Variants in POMT1 observed in about 807,000 individuals in gnomAD.
POMT1 encodes protein O-mannosyl-transferase 1.
In POMT1, 85 loss-of-function variants were observed where a neutral mutation model predicts 101.6. The observed-to-expected ratio is 0.84, with a 90% CI of 0.70 to 1.00. The LOEUF (loss-of-function observed/expected upper bound fraction) is 1.00, where lower values mean the gene tolerates loss of function less well. Among genes scored for constraint, POMT1 ranks in the 50% least tolerant of loss-of-function variants. POMT1 has a pLI of 0.00. For synonymous variants in POMT1, 371 were observed against 383.0 expected (o/e 0.97, Z 0.37); for missense variants, 857 against 930.4 (o/e 0.92, Z 1.03).
chr9:131,506,093 G>A (rs1564331595), intron 2 of POMT1, 21 bp from the exon 3 acceptor site: 2 of 1,609,718 alleles, frequency 1.2e-6, no homozygotes, highest in Non-Finnish European at 1.7e-6. Flanking sequence ...ATATAATATG[G>A]GTTGTTGTTT....
chr9:131,516,372 T>TCACACGGAGCACCTC (rs1564370414), intron 13 of POMT1, among the ~76,000 whole-genome samples: 1 of 147,458 alleles, frequency 6.8e-6, no homozygotes, highest in Non-Finnish European at 1.5e-5. Flanking sequence ...GAGCACTTCC[T>TCACACGGAGCACCTC]CTAACAGAAC....
In POMT1 at chr9:131,523,403, AC is replaced by A; in HGVS notation, c.*300del. On this transcript the variant is annotated 3_prime_UTR_variant, in exon 20 of 20. Transcript: ENST00000402686. The stretch of plus-strand genomic sequence containing the variant: ...AGTCATTGACAACAAAAAGCCGAGA[AC>A]CCAGGGCCAGCAGTGGAGCCTCAGC... 1 of 403,702 alleles carries A rather than the reference AC, an allele frequency of 2.5e-6. No individual in the cohort carries two copies. The highest frequency in any genetic ancestry group is 4.7e-6 in the Non-Finnish European group (1 of 213,206). 25.0% of individuals were successfully genotyped at this position (403,702 alleles called of 1,614,324 possible).
At chr9:131,520,249 T>A in intron 17 of POMT1, 56 bp downstream of exon 17, 2 of 1,411,432 alleles carry the variant, frequency 1.4e-6, no homozygotes, top group Admixed American at 3.4e-5. Flanking sequence ...TTCTTGAGAA[T>A]TCCTTGCATT....
chr9:131,503,057 G>A lies in POMT1; in HGVS notation c.-47G>A, dbSNP rs1323657479. ...CGGGAGCCGGGCGCGGCTCTGTGTG[G>A]ACTCGGAGAAACGCGGGTACATTTG... On this transcript the variant is annotated 5_prime_UTR_variant, in exon 1 of 20. Coordinates refer to ENST00000402686, the MANE Select transcript of POMT1 (RefSeq NM_001077365.2). This position sits in a 1 kb window ranked among gnomAD's most constrained non-coding sequence, Gnocchi z 4.4. 1 of 152,310 alleles carries A rather than the reference G, an allele frequency of 6.6e-6. No individual in the cohort carries two copies. The highest frequency in any genetic ancestry group is 2.4e-5 in the African/African-American group (1 of 41,472). The allele number at this position is 152,310 out of a possible 1,614,324, so 9.4% of individuals were successfully genotyped here.
chr9:131,504,650 G>T (rs1044566896), intron 2 of POMT1, among the ~76,000 whole-genome samples: 4 of 152,120 alleles, frequency 2.6e-5, no homozygotes, highest in Admixed American at 2.6e-4. Flanking sequence ...GGATTTGGAA[G>T]TAAGTCTTCA....
chr9:131,509,211 C>T (rs748504077), intron 6 of POMT1, among the ~76,000 whole-genome samples, 189 bp downstream of exon 6: 1 of 152,026 alleles, frequency 6.6e-6, no homozygotes, highest in African/African-American at 2.4e-5. Context: ...AGTGTAATGG[C>T]GCAATCTCGG....
chr9:131,510,321 T>G lies in POMT1; in HGVS notation c.761T>G (p.Leu254Arg), dbSNP rs985794800. ...AVALLVIPVV[L>R]YLLFFYVHLI... ...GCTTTGCTGGTCATCCCGGTCGTCC[T>G]GTACTTACTGTTCTTCTACGTCCAC... is the stretch of plus-strand genomic sequence containing the variant. The change falls in exon 9 of 20, where the codon CTG (leucine) becomes CGG (arginine). Residue 254 changes from leucine to arginine, a missense_variant. Coordinates refer to ENST00000402686, the MANE Select transcript of POMT1 (RefSeq NM_001077365.2). 6 of 1,614,122 alleles carry G rather than the reference T, an allele frequency of 3.7e-6. No homozygotes were observed. The African/African-American group carries it at 8.0e-5, about 22-fold the overall frequency.
Position 131,507,621 on chromosome 9 carries a change from TC to T in POMT1, c.427+108del. ...TGGGCGAGCTGCACCAGAAAGTGCA[TC>T]TGGTTCATCCAAATTTGACGCTGCA... On this transcript the variant is annotated intron_variant, in intron 5 of 19. Coordinates refer to ENST00000402686, the MANE Select transcript of POMT1 (RefSeq NM_001077365.2). 2.7e-6 allele frequency: 4 copies of T among 1,499,016 alleles called. No homozygotes were observed. The South Asian group carries it at 4.6e-5, about 17-fold the overall frequency. The allele number at this position is 1,499,016 out of a possible 1,614,324, so 92.9% of individuals were successfully genotyped here. A position where few individuals can be genotyped will look rare whatever the true frequency, so the allele number is the denominator to read the frequency against.
In POMT1 at chr9:131,504,297, T is replaced by C; in HGVS notation, c.79T>C (p.Leu27=). ...LSLVALTGMG[L]LSRLWRLTYP... ...CCTTGTGGCCCTGACTGGGATGGGG[T>C]TACTGAGCCGGCTGTGGCGACTCAC... The change falls in exon 2 of 20, where the codon TTA becomes CTA. Residue 27 remains leucine, a synonymous_variant. Coordinates refer to ENST00000402686, the MANE Select transcript of POMT1 (RefSeq NM_001077365.2). 1 of 1,613,998 alleles carries C rather than the reference T, an allele frequency of 6.2e-7. No homozygotes were observed. The highest frequency in any genetic ancestry group is 2.2e-5 in the East Asian group (1 of 44,876).
intron 18 of POMT1, among the ~76,000 whole-genome samples, chr9:131,521,830 A>C (rs1323534969): frequency 6.6e-6 from 1 of 152,166 alleles, no homozygotes; most frequent in East Asian, 1.9e-4. Context: ...ATGCGCTGGA[A>C]ATGGCTGGGT....
intron 17 of POMT1, 142 bp from the exon 18 acceptor site, chr9:131,521,204 G>A: frequency 1.8e-6 from 2 of 1,138,996 alleles, no homozygotes; most frequent in South Asian, 2.5e-5. Context: ...TAGTAGTAAG[G>A]CCTAGTGGAT....
chr9:131,519,442 G>A lies in POMT1; in HGVS notation c.1540G>A (p.Val514Ile), dbSNP rs984288781. 2.6e-6 allele frequency: 4 copies of A among 1,551,478 alleles called. No homozygotes were observed. Among genetic ancestry groups the A allele is most frequent in the East Asian group, 2.4e-5 (1 of 41,098 alleles). Reference protein sequence around the residue: ...RELHSPAQVDVSRNLSFMARF... With the variant: ...RELHSPAQVDISRNLSFMARF... Reference sequence around the variant, plus strand: ...GCTGCACTCACCTGCGCAGGTGGACGTCAGCAGGAACCTCAGCTTCATGGC... The same window carrying A: ...GCTGCACTCACCTGCGCAGGTGGACATCAGCAGGAACCTCAGCTTCATGGC... The change falls in exon 16 of 20, where the codon GTC becomes ATC. Residue 514 changes from valine (V) to isoleucine (I), a missense_variant. Transcript: ENST00000402686. This position sits in a 1 kb window ranked among gnomAD's most constrained non-coding sequence, Gnocchi z 4.3.
At chr9:131,506,896 G>T (rs10793878) in intron 4 of POMT1, 215,688 of 237,934 alleles carry the variant, frequency 0.91, 98,652 homozygotes, top group South Asian at 0.97. Flanking sequence ...GTGAAACCCC[G>T]TCTCTACTAA....
intron 10 of POMT1, 128 bp from the exon 11 acceptor site, chr9:131,511,913 G>A (rs1947195322): frequency 2.2e-6 from 2 of 893,494 alleles, no homozygotes; most frequent in South Asian, 1.4e-5. Flanking sequence ...GTCTCACTAT[G>A]TTGCCCAGGC....
chr9:131,518,776 A>T (rs1547768), intron 14 of POMT1, 61 bp from the exon 15 acceptor site: 1 of 1,613,250 alleles, frequency 6.2e-7, no homozygotes, highest in Non-Finnish European at 8.5e-7. Flanking sequence ...CTTCCAACCC[A>T]AGTGGACACG....
chr9:131,521,232 G>T, intron 17 of POMT1, 114 bp from the exon 18 acceptor site: 1 of 1,484,700 alleles, frequency 6.7e-7, no homozygotes. Context: ...TGTGCCTGGC[G>T]TTTTTTCACT....
In POMT1 at chr9:131,512,113, G is replaced by A; in HGVS notation, c.1059G>A (p.Trp353Ter). The change falls in exon 11 of 20, where the codon TGG (tryptophan) becomes TGA (stop). Residue 353 changes from tryptophan (W) to a stop codon, truncating the protein, a stop_gained. Coordinates refer to ENST00000402686, the MANE Select transcript of POMT1 (RefSeq NM_001077365.2). LOFTEE classifies it high-confidence loss of function. The stretch of plus-strand genomic sequence containing the variant: ...ACCCCTTCAAAGATGTCAATAACTG[G>A]TGGATTGTAAAGGATCCCAGGAGGT... The part of the protein sequence containing the change: ...TCYPFKDVNN[W>*]WIVKDPRRHQ... The A allele has an allele frequency of 6.2e-7, 1 of 1,614,098 alleles. No homozygotes were observed. Among genetic ancestry groups the A allele is most frequent in the Non-Finnish European group, 8.5e-7 (1 of 1,180,000 alleles).
At chr9:131,504,412 T>C in intron 2 of POMT1, 72 bp downstream of exon 2, 2 of 1,608,640 alleles carry the variant, frequency 1.2e-6, no homozygotes, top group Non-Finnish European at 1.7e-6. Context: ...CCTTACTGAA[T>C]AGCATAAATG....
At chr9:131,518,758 G>T (rs1370634828) in intron 14 of POMT1, 79 bp from the exon 15 acceptor site, 1 of 1,609,860 alleles carries the variant, frequency 6.2e-7, no homozygotes, top group East Asian at 2.2e-5. Flanking sequence ...ACCCGGGCAG[G>T]GGTTCCCCTT....
Sources: gnomAD v4.1 joint callset for allele counts (sites outside exome capture counted in the v4.1 genomes callset) on GRCh38, gnomAD v4.1.1 for gene constraint, Gnocchi (gnomAD v3.1) non-coding constraint, MANE v1.5 for transcripts, NCBI Gene and HGNC (gene_info 2026-07-23, HGNC 2026-07-21) for gene names.